Variants in PLA2G4E observed in about 807,000 individuals in gnomAD.
The protein encoded by PLA2G4E is phospholipase A2 group IVE.
In PLA2G4E, 84 loss-of-function variants were observed where a neutral mutation model predicts 109.1. The ratio of observed to expected loss-of-function variants is 0.77; its 90% CI spans 0.65 to 0.92. The LOEUF is 0.92. Among genes scored for constraint, PLA2G4E ranks in the 40% least tolerant of loss-of-function variants. PLA2G4E has a pLI of 0.00. For missense variants in PLA2G4E, 1,057 were observed against 1,076.6 expected (o/e 0.98, Z 0.25); for synonymous variants, 469 against 436.1 (o/e 1.08, Z -0.94).
chr15:42,030,124 G>A (rs1241516870), intron 1 of PLA2G4E, among the ~76,000 whole-genome samples: 2 of 152,176 alleles, frequency 1.3e-5, no homozygotes, highest in African/African-American at 2.4e-5. Context: ...GAGGTGGCAT[G>A]AGTAAAGGAA....
chr15:42,002,537 G>T, intron 6 of PLA2G4E, 117 bp downstream of exon 6: 2 of 1,175,074 alleles, frequency 1.7e-6, no homozygotes, highest in African/African-American at 1.5e-5. Flanking sequence ...CTCCTGCAGA[G>T]GTCAGGATAG....
At chr15:41,999,961 G>T (rs776495406) in exon 9 of PLA2G4E, 4 of 1,611,388 alleles carry the variant, frequency 2.5e-6, no homozygotes, top group Non-Finnish European at 3.4e-6. Flanking sequence ...CAGTCGAGGG[G>T]CTGGCTGATG....
At chr15:42,027,177 T>C (rs2068700081) in intron 1 of PLA2G4E, among the ~76,000 whole-genome samples, 1 of 152,130 alleles carries the variant, frequency 6.6e-6, no homozygotes, top group Admixed American at 6.5e-5. Context: ...ACAATCAGTG[T>C]TGACAGGAAG....
At chr15:42,005,849 G>A in intron 4 of PLA2G4E, 141 bp downstream of exon 4, 2 of 1,041,900 alleles carry the variant, frequency 1.9e-6, no homozygotes, top group Non-Finnish European at 2.7e-6. Context: ...TGACAGTGCT[G>A]GGATTTAAAC....
chr15:41,999,914 C>T lies in PLA2G4E; in HGVS notation c.936+3G>A. 4 of 1,607,380 alleles carry T rather than the reference C, an allele frequency of 2.5e-6. No individual in the cohort carries two copies. The highest frequency in any genetic ancestry group is 3.4e-6 in the Non-Finnish European group (4 of 1,176,970). On this transcript the variant is annotated splice_donor_region_variant and intron_variant, in intron 9 of 19. Coordinates refer to ENST00000399518, the Ensembl canonical transcript of PLA2G4E. ...GGGGCCCTTCCCAGACTCAGGCACT[C>T]ACCACAGGCAGGGTCATCACCTGAC...
At chr15:42,032,627 C>T (rs931964446) in intron 1 of PLA2G4E, among the ~76,000 whole-genome samples, 7 of 152,214 alleles carry the variant, frequency 4.6e-5, no homozygotes, top group Admixed American at 1.3e-4. Context: ...GAGAGGCAGC[C>T]GTGGTGTGGA....
chr15:42,016,018 T>A (rs2068590777), intron 1 of PLA2G4E, among the ~76,000 whole-genome samples: 1 of 152,158 alleles, frequency 6.6e-6, no homozygotes, highest in South Asian at 2.1e-4. Flanking sequence ...GGTAAATGCC[T>A]ACCAACCGAA....
chr15:41,987,811 G>A (rs926770838), intron 16 of PLA2G4E, among the ~76,000 whole-genome samples: 2 of 152,138 alleles, frequency 1.3e-5, no homozygotes, highest in Non-Finnish European at 2.9e-5. Flanking sequence ...TGACGATGCG[G>A]AAACATGTGG....
chr15:41,995,544 G>T (rs747029655), intron 11 of PLA2G4E, 48 bp from the exon 12 acceptor site: 4 of 1,603,418 alleles, frequency 2.5e-6, no homozygotes, highest in Non-Finnish European at 2.6e-6. Flanking sequence ...CAGAAGCAAA[G>T]CTTGGGAGAA....
At chr15:42,028,665 C>T (rs1889064998) in intron 1 of PLA2G4E, among the ~76,000 whole-genome samples, 1 of 152,120 alleles carries the variant, frequency 6.6e-6, no homozygotes, top group Non-Finnish European at 1.5e-5. Flanking sequence ...CCTCGGCCTC[C>T]CAAAGTGCTG....
rs550714856 is a variant in PLA2G4E at position 42,046,422 on chromosome 15, T to G, written c.183+4099A>C. Among the ~76,000 whole-genome samples, 45 of 152,352 alleles carry G rather than the reference T, an allele frequency of 3.0e-4. No homozygotes were observed. In the South Asian group the frequency reaches 8.9e-3, roughly 30 times the overall value. ...GTCACCCTGGTTTTCTCCCTGTTTC[T>G]ACAAAAGGTCAACCTTGTGTCCACC... On this transcript the variant is annotated intron_variant, in intron 1 of 19. Transcript: ENST00000399518.
chr15:41,984,026 G>T lies in PLA2G4E; in HGVS notation c.2387-52C>A. 3 of 1,508,896 alleles carry T rather than the reference G, an allele frequency of 2.0e-6. No homozygotes were observed. The South Asian group carries it at 3.6e-5, about 18-fold the overall frequency. 93.5% of individuals were successfully genotyped at this position (1,508,896 alleles called of 1,614,324 possible). ...AGACTCTGTCATGTTAGGTTGGAATGACTTGTTTCCACATCTCTCCCCAAG... is the reference window on the plus strand; with the variant it reads ...AGACTCTGTCATGTTAGGTTGGAATTACTTGTTTCCACATCTCTCCCCAAG... On this transcript the variant is annotated intron_variant, in intron 19 of 19. Coordinates refer to ENST00000399518, the Ensembl canonical transcript of PLA2G4E.
chr15:42,041,118 G>A (rs1229818142), intron 1 of PLA2G4E, among the ~76,000 whole-genome samples: 1 of 152,118 alleles, frequency 6.6e-6, no homozygotes, highest in Non-Finnish European at 1.5e-5. Context: ...GGGCAATTTG[G>A]TAATCTTATG....
At chr15:42,012,582 C>G (rs1385628179) in intron 2 of PLA2G4E, among the ~76,000 whole-genome samples, 1 of 152,154 alleles carries the variant, frequency 6.6e-6, no homozygotes, top group Non-Finnish European at 1.5e-5. Context: ...GCTCCCAAGG[C>G]CTCTGGATAC....
intron 1 of PLA2G4E, among the ~76,000 whole-genome samples, chr15:42,029,035 A>G (rs962508190): frequency 6.6e-6 from 1 of 152,168 alleles, no homozygotes; most frequent in Non-Finnish European, 1.5e-5. Context: ...TGGCTCATGA[A>G]TATTTTCTGC....
intron 1 of PLA2G4E, among the ~76,000 whole-genome samples, chr15:42,035,093 C>T (rs1204560105): frequency 6.6e-6 from 1 of 152,200 alleles, no homozygotes; most frequent in Non-Finnish European, 1.5e-5. Context: ...TATGCTCCTC[C>T]AGGGCACATC....
intron 17 of PLA2G4E, chr15:41,986,862 A>T: frequency 2.5e-6 from 1 of 396,584 alleles, no homozygotes; most frequent in Non-Finnish European, 4.7e-6. Context: ...AACTGCAGAA[A>T]GTAAGACCCC....
intron 18 of PLA2G4E, 128 bp from the exon 19 acceptor site, chr15:41,984,747 G>A: frequency 1.1e-6 from 1 of 899,656 alleles, no homozygotes; most frequent in Non-Finnish European, 1.6e-6. Flanking sequence ...CTTTGCCAGT[G>A]TATGGTATTT....
At chr15:41,984,544 C>T (rs1024949410) in exon 19 of PLA2G4E, 37 of 1,613,774 alleles carry the variant, frequency 2.3e-5, no homozygotes, top group Non-Finnish European at 3.0e-5. Flanking sequence ...TTGAGATTTT[C>T]ATTCTCATCT....
Sources: gnomAD v4.1 joint callset for allele counts (sites outside exome capture counted in the v4.1 genomes callset) on GRCh38, gnomAD v4.1.1 for gene constraint, MANE v1.5 for transcripts, NCBI Gene and HGNC (gene_info 2026-07-23, HGNC 2026-07-21) for gene names.